FREM3: variants seen among roughly 807,000 people sequenced by gnomAD.
FREM3 encodes the protein FRAS1-related extracellular matrix protein 3.
Under a neutral mutation model 129.1 loss-of-function variants are expected in FREM3, and 105 were observed. The observed-to-expected ratio is 0.81, with a 90% confidence interval of 0.69 to 0.96. FREM3 has a LOEUF of 0.96. Ranked by LOEUF, FREM3 falls within the 40% of genes least tolerant of loss-of-function variation. The probability of loss-of-function intolerance (pLI) is 0.00; values close to 1 mark genes in which losing one functional copy is unlikely to be tolerated. For missense variants in FREM3, 2,593 were observed against 2,666.3 expected, an observed-to-expected ratio of 0.97 and a Z score of 0.61; for synonymous variants, 1,014 against 1,044.9, an observed-to-expected ratio of 0.97 and a Z score of 0.57.
intron 3 of FREM3, among the ~76,000 whole-genome samples, chr4:143,624,905 G>A (rs1739016426): frequency 6.6e-6 from 1 of 152,098 alleles, no homozygotes; most frequent in Non-Finnish European, 1.5e-5. Context: ...TCCTCTTGCT[G>A]ATTCTTACTC....
rs866299750 is a variant in FREM3 at position 143,611,486 on chromosome 4, C to G, written c.5821G>C (p.Asp1941His). The change falls in exon 6 of 8, where the codon GAT (aspartate) becomes CAT (histidine). Residue 1941 changes from aspartate (D) to histidine (H), a missense_variant. Around this residue, in one of 2 missense-constraint regions of FREM3, gnomAD observed 317 missense variants for 399.0 expected, o/e 0.79. Coordinates refer to ENST00000329798, the MANE Select transcript of FREM3 (RefSeq NM_001168235.2). ...GTISSTVLFSDYISRPEDHTS... is the reference protein window; with the variant it reads ...GTISSTVLFSHYISRPEDHTS... ...TGGTCTTCTGGACGTGAGATGTAAT[C>G]AGAGAATAACACTGTGGAAGAAATC... 2.0e-6 allele frequency: 3 copies of G among 1,537,030 alleles called. No homozygotes were observed. The highest frequency in any genetic ancestry group is 2.6e-6 in the Non-Finnish European group (3 of 1,146,768).
Position 143,627,780 on chromosome 4 carries a change from AG to A in FREM3, c.5276-21del. The A allele has an allele frequency of 1.3e-6, 2 of 1,519,180 alleles. No homozygotes were observed. Among genetic ancestry groups the A allele is most frequent in the Non-Finnish European group, 1.8e-6 (2 of 1,131,992 alleles). The allele number at this position is 1,519,180 out of a possible 1,614,324, so 94.1% of individuals were successfully genotyped here. On this transcript the variant is annotated intron_variant, in intron 2 of 7. Transcript: ENST00000329798. ...TTCCTCCTGCAATTGATAGGGGCAA[AG>A]GAAAAGTCAGCTGGAGTATTTGATG...
chr4:143,679,158 C>T (rs60372143), intron 2 of FREM3, among the ~76,000 whole-genome samples: 11,091 of 152,162 alleles, frequency 0.073, 1,081 homozygotes, highest in African/African-American at 0.21. Flanking sequence ...TAAAATTTCT[C>T]GGACTATTTA....
chr4:143,663,400 T>C (rs1384973159), intron 2 of FREM3, among the ~76,000 whole-genome samples: 2 of 152,176 alleles, frequency 1.3e-5, no homozygotes, highest in African/African-American at 4.8e-5. Context: ...TTAAGAATGT[T>C]GAATATTGGC....
intron 6 of FREM3, among the ~76,000 whole-genome samples, chr4:143,592,230 G>T (rs1738377733): frequency 6.6e-6 from 1 of 152,124 alleles, no homozygotes; most frequent in Non-Finnish European, 1.5e-5. Context: ...GGAGCATTTA[G>T]CCCATTTACA....
At chr4:143,655,268 T>A (rs768960851) in intron 2 of FREM3, among the ~76,000 whole-genome samples, 3 of 152,060 alleles carry the variant, frequency 2.0e-5, no homozygotes, top group Non-Finnish European at 4.4e-5. Flanking sequence ...AAAGGTGAAA[T>A]TATGTAGAAA....
intron 6 of FREM3, among the ~76,000 whole-genome samples, chr4:143,595,683 C>G (rs564761262): frequency 6.6e-6 from 1 of 152,012 alleles, no homozygotes; most frequent in Non-Finnish European, 1.5e-5. Flanking sequence ...GTCTGCAGAT[C>G]AAGACCATCC....
chr4:143,626,926 C>T (rs1033708159), intron 3 of FREM3, among the ~76,000 whole-genome samples: 9 of 152,082 alleles, frequency 5.9e-5, no homozygotes, highest in African/African-American at 2.2e-4. Flanking sequence ...CCCTATCTGT[C>T]TTCTTAATAG....
chr4:143,683,738 G>A (rs1030312782), intron 2 of FREM3, among the ~76,000 whole-genome samples: 6 of 152,168 alleles, frequency 3.9e-5, no homozygotes, highest in South Asian at 2.1e-4. Flanking sequence ...CCTTTCTTTC[G>A]CAGCTGGGAG....
chr4:143,692,776 A>T (rs1227891220), intron 2 of FREM3, among the ~76,000 whole-genome samples: 1 of 152,200 alleles, frequency 6.6e-6, no homozygotes, highest in Admixed American at 6.5e-5. Flanking sequence ...TTTCAGAATG[A>T]TAGAAACCAC....
rs79035460 is a variant in FREM3, at chr4:143,622,722, T to C, written c.5653+1386A>G. Among the ~76,000 whole-genome samples the C allele has an allele frequency of 8.1e-3, 1,239 of 152,314 alleles. 22 individuals carry two copies. The highest frequency in any genetic ancestry group is 0.029 in the African/African-American group (1,188 of 41,572). ...TATCAATGTCATATGAAAAAATTGA[T>C]ACAATAGGACTAAGTTATTCAGTCA... On this transcript the variant is annotated intron_variant, in intron 4 of 7. Transcript: ENST00000329798.
chr4:143,679,847 T>C (rs541604834), intron 2 of FREM3, among the ~76,000 whole-genome samples: 1 of 152,276 alleles, frequency 6.6e-6, no homozygotes, highest in East Asian at 1.9e-4. Flanking sequence ...AGGAAACAAG[T>C]TAGCAACAAA....
intron 2 of FREM3, among the ~76,000 whole-genome samples, chr4:143,659,333 A>G (rs1408804995): frequency 6.6e-6 from 1 of 151,908 alleles, no homozygotes; most frequent in Admixed American, 6.6e-5. Flanking sequence ...GTGAGTGAGA[A>G]CATGCGGTGT....
At chr4:143,589,765 G>A (rs373254435) in intron 6 of FREM3, among the ~76,000 whole-genome samples, 1 of 152,012 alleles carries the variant, frequency 6.6e-6, no homozygotes, top group South Asian at 2.1e-4. Flanking sequence ...TAGTTTTTTC[G>A]AATTCTGTGA....
chr4:143,698,886 C>T lies in FREM3; in HGVS notation c.1790G>A (p.Trp597Ter). The T allele has an allele frequency of 1.3e-6, 2 of 1,537,532 alleles. No individual in the cohort carries two copies. Among genetic ancestry groups the T allele is most frequent in the Non-Finnish European group, 1.7e-6 (2 of 1,146,936 alleles). ...PLKGNEEEPQWELAPGSSHSG... is the reference protein window; with the variant it reads ...PLKGNEEEPQ ...GTGGGAGGAACCAGGGGCCAACTCC[C>T]ACTGAGGCTCTTCCTCATTTCCTTT... Residue 597 changes from tryptophan (W) to a stop codon, truncating the protein, a stop_gained, in exon 1 of 8, where the codon TGG (tryptophan) becomes TAG (stop). Coordinates refer to ENST00000329798, the MANE Select transcript of FREM3 (RefSeq NM_001168235.2). LOFTEE classifies it high-confidence loss of function.
At chr4:143,673,893 TG>T (rs1408455342) in intron 2 of FREM3, among the ~76,000 whole-genome samples, 9 of 152,232 alleles carry the variant, frequency 5.9e-5, no homozygotes, top group Non-Finnish European at 1.2e-4. Context: ...CTCCGAGCCA[TG>T]CGCGGGATAT....
At chr4:143,654,235 T>C (rs1201202476) in intron 2 of FREM3, among the ~76,000 whole-genome samples, 2 of 152,168 alleles carry the variant, frequency 1.3e-5, no homozygotes, top group East Asian at 1.9e-4. Flanking sequence ...ACCGAGTAGC[T>C]GGGATTACAG....
intron 2 of FREM3, among the ~76,000 whole-genome samples, chr4:143,651,843 A>T (rs1182997336): frequency 1.3e-5 from 2 of 152,240 alleles, no homozygotes; most frequent in Admixed American, 1.3e-4. Flanking sequence ...GGTCACTTTC[A>T]TATAAAATAA....
intron 6 of FREM3, among the ~76,000 whole-genome samples, chr4:143,607,635 A>G (rs1165196834): frequency 2.0e-5 from 3 of 152,186 alleles, no homozygotes; most frequent in Admixed American, 2.0e-4. Flanking sequence ...GTAGCAGAGA[A>G]GGCTGTATTT....
Sources: gnomAD v4.1 joint callset for allele counts (sites outside exome capture counted in the v4.1 genomes callset) on GRCh38, gnomAD v4.1.1 for gene constraint, gnomAD v4.1.1 regional missense constraint, MANE v1.5 for transcripts, NCBI Gene and HGNC (gene_info 2026-07-23, HGNC 2026-07-21) for gene names.